Variants in ALK observed in about 807,000 individuals in gnomAD.
ALK encodes the protein ALK tyrosine kinase receptor.
A neutral mutation model predicts 163.1 loss-of-function variants in ALK; 74 were observed. That is an observed-to-expected ratio of 0.45 (90% CI 0.38 to 0.55). ALK has a LOEUF of 0.55. Among genes scored for constraint, ALK ranks in the 20% least tolerant of loss-of-function variants. The pLI is 0.00. For missense variants in ALK, 2,063 were observed against 2,105.3 expected (o/e 0.98, Z 0.39); for synonymous variants, 960 against 843.2 (o/e 1.14, Z -2.40).
intron 3 of ALK, among the ~76,000 whole-genome samples, chr2:29,596,785 C>T (rs578232423): frequency 3.9e-5 from 6 of 152,310 alleles, no homozygotes; most frequent in African/African-American, 1.4e-4. Flanking sequence ...CCTGGCAGGC[C>T]AGGGCACGTC....
chr2:29,507,902 G>A (rs994021202), intron 4 of ALK, among the ~76,000 whole-genome samples: 1 of 152,154 alleles, frequency 6.6e-6, no homozygotes, highest in Non-Finnish European at 1.5e-5. Context: ...GGCCCCCAGC[G>A]TGGCTCTGCC....
chr2:29,509,220 GC>G (rs1672440358), intron 4 of ALK, among the ~76,000 whole-genome samples: 1 of 152,124 alleles, frequency 6.6e-6, no homozygotes, highest in Admixed American at 6.6e-5. Context: ...AACAATTCTA[GC>G]TTTGACCTTT....
At chr2:29,213,862 A>T (rs1017639698) in intron 24 of ALK, 122 bp downstream of exon 24, 3 of 833,306 alleles carry the variant, frequency 3.6e-6, no homozygotes, top group Non-Finnish European at 2.1e-6. Flanking sequence ...CTACATCCAA[A>T]TGGCTCTGGA....
intron 4 of ALK, among the ~76,000 whole-genome samples, chr2:29,480,580 G>A (rs62129089): frequency 0.25 from 37,162 of 151,562 alleles, 5,657 homozygotes; most frequent in Non-Finnish European, 0.34. Context: ...TTATTGCCCC[G>A]TTGCCCCAGG....
chr2:29,798,835 G>T (rs926936602), intron 1 of ALK, among the ~76,000 whole-genome samples: 4 of 152,070 alleles, frequency 2.6e-5, no homozygotes, highest in African/African-American at 9.7e-5. Context: ...AATTTTCCTG[G>T]GGGAAAAAAA....
chr2:29,653,090 A>G (rs1677082087), intron 3 of ALK, among the ~76,000 whole-genome samples: 1 of 152,090 alleles, frequency 6.6e-6, no homozygotes, highest in Non-Finnish European at 1.5e-5. Context: ...CGCTGTCTCC[A>G]GGTAGATAGT....
intron 1 of ALK, among the ~76,000 whole-genome samples, chr2:29,854,839 T>C (rs1308598661): frequency 6.6e-6 from 1 of 152,350 alleles, no homozygotes; most frequent in Non-Finnish European, 1.5e-5. Flanking sequence ...ACTTTACCAA[T>C]ATAAATTCAT....
intron 11 of ALK, among the ~76,000 whole-genome samples, chr2:29,271,408 G>A (rs765077477): frequency 6.6e-6 from 1 of 152,236 alleles, no homozygotes. Flanking sequence ...AAAGTGGACA[G>A]CCTGTCACCC....
intron 1 of ALK, among the ~76,000 whole-genome samples, chr2:29,842,714 T>G (rs1160128186): frequency 1.3e-5 from 2 of 152,176 alleles, no homozygotes; most frequent in Non-Finnish European, 2.9e-5. Context: ...GCAGGGCTCA[T>G]TTCTATCAGA....
intron 1 of ALK, among the ~76,000 whole-genome samples, chr2:29,851,672 T>C (rs941830235): frequency 6.6e-5 from 10 of 152,202 alleles, no homozygotes; most frequent in African/African-American, 2.4e-4. Flanking sequence ...GGAACCACAC[T>C]TTAAGGACCA....
chr2:29,840,544 G>C (rs1213357893), intron 1 of ALK, among the ~76,000 whole-genome samples: 2 of 152,124 alleles, frequency 1.3e-5, no homozygotes, highest in Non-Finnish European at 2.9e-5. Context: ...TAAAATCTAT[G>C]AATCTAATTC....
At chr2:29,459,907 C>A (rs575101000) in intron 4 of ALK, among the ~76,000 whole-genome samples, 53 of 152,226 alleles carry the variant, frequency 3.5e-4, no homozygotes, top group African/African-American at 1.3e-3. Context: ...GCATTCCTGA[C>A]TGATATAGAA....
intron 4 of ALK, among the ~76,000 whole-genome samples, chr2:29,447,585 C>T (rs1223908005): frequency 6.6e-6 from 1 of 152,104 alleles, no homozygotes; most frequent in Non-Finnish European, 1.5e-5. Context: ...GGAGTCAGGC[C>T]CCATCCTTCT....
Position 29,296,920 on chromosome 2 carries a change from C to T in ALK, c.1785G>A (p.Trp595Ter), listed in dbSNP as rs2148231045. Residue 595 changes from tryptophan to a stop codon, truncating the protein, a stop_gained, in exon 9 of 29, where the codon TGG becomes TGA. Transcript: ENST00000389048. LOFTEE classifies it high-confidence loss of function. Reference sequence around the variant, plus strand: ...ACACATCGAGGAGAGGCAACACCATCCACTGCCACAGGCTCAAGCCTTCAT... The same window carrying T: ...ACACATCGAGGAGAGGCAACACCATTCACTGCCACAGGCTCAAGCCTTCAT... ...AAYEGLSLWQ[W>*]MVLPLLDVSD... is the part of the protein sequence containing the mutation. 1.2e-6 allele frequency: 2 copies of T among 1,614,176 alleles called. No homozygotes were observed. The highest frequency in any genetic ancestry group is 1.7e-6 in the Non-Finnish European group (2 of 1,180,020).
At chr2:29,407,938 G>A (rs1339812832) in intron 4 of ALK, among the ~76,000 whole-genome samples, 1 of 152,190 alleles carries the variant, frequency 6.6e-6, no homozygotes, top group Non-Finnish European at 1.5e-5. Context: ...TACTAGGAGA[G>A]TAGCTTTGGA....
chr2:29,778,670 G>A (rs1681246639), intron 1 of ALK, among the ~76,000 whole-genome samples: 1 of 152,116 alleles, frequency 6.6e-6, no homozygotes, highest in Non-Finnish European at 1.5e-5. Flanking sequence ...CATTCCTATG[G>A]CAGCTGAAAG....
chr2:29,863,133 A>G (rs185895985), intron 1 of ALK, among the ~76,000 whole-genome samples: 1 of 152,348 alleles, frequency 6.6e-6, no homozygotes, highest in East Asian at 1.9e-4. Context: ...TTAATGACTT[A>G]AATGTAAGAC....
intron 3 of ALK, among the ~76,000 whole-genome samples, chr2:29,581,293 C>A (rs1160265812): frequency 2.0e-5 from 3 of 152,182 alleles, no homozygotes; most frequent in African/African-American, 7.2e-5. Flanking sequence ...GAGGCTGAGG[C>A]AGGAGAATCG....
At chr2:29,439,684 T>TA (rs59027264) in intron 4 of ALK, among the ~76,000 whole-genome samples, 51 of 144,896 alleles carry the variant, frequency 3.5e-4, no homozygotes, top group African/African-American at 1.1e-3. Flanking sequence ...GTGTTCTTGT[T>TA]AAAAAAAAAA....
Sources: gnomAD v4.1 joint callset for allele counts (sites outside exome capture counted in the v4.1 genomes callset) on GRCh38, gnomAD v4.1.1 for gene constraint, MANE v1.5 for transcripts, NCBI Gene and HGNC (gene_info 2026-07-23, HGNC 2026-07-21) for gene names.